ZNF91: variants seen among roughly 807,000 people sequenced by gnomAD.
The protein encoded by ZNF91 is zinc finger protein 91.
Under a neutral mutation model 12.6 loss-of-function variants are expected in ZNF91, and 7 were observed. That is an observed-to-expected ratio of 0.55 (90% CI 0.31 to 1.04). The LOEUF (loss-of-function observed/expected upper bound fraction) is 1.04. Ranked by LOEUF, ZNF91 falls within the 50% of genes least tolerant of loss-of-function variation. The probability of loss-of-function intolerance (pLI) is 0.05; values close to 1 mark genes in which losing one functional copy is unlikely to be tolerated. For synonymous variants in ZNF91, 453 were observed against 462.6 expected, an observed-to-expected ratio of 0.98 and a Z score of 0.27; for missense variants, 1,217 against 1,385.4, an observed-to-expected ratio of 0.88 and a Z score of 1.93.
downstream of ZNF91, among the ~76,000 whole-genome samples, chr19:23,334,690 CT>C (rs1967975509): frequency 6.6e-6 from 1 of 152,108 alleles, no homozygotes; most frequent in Admixed American, 6.5e-5. Flanking sequence ...GGACGGACTT[CT>C]TTTCTCTCAA....
rs1192448272 is a variant in ZNF91 at position 23,362,486 on chromosome 19, T to A, written c.493A>T (p.Lys165Ter). 1.2e-6 allele frequency: 2 copies of A among 1,603,466 alleles called. No homozygotes were observed. The highest frequency in any genetic ancestry group is 1.7e-6 in the Non-Finnish European group (2 of 1,176,550). The change falls in exon 4 of 4, where the codon AAA (lysine) becomes TAA (stop). Residue 165 changes from lysine to a stop codon, truncating the protein, a stop_gained. Transcript: ENST00000300619. LOFTEE classifies it low-confidence loss of function (END_TRUNC). ...GTATGTCTGTTTGAATTTAAAAATTTATAGAAGACTTTCAAATATTTCCCA... is the reference window on the plus strand; with the variant it reads ...GTATGTCTGTTTGAATTTAAAAATTAATAGAAGACTTTCAAATATTTCCCA... ...QCGKYLKVFYKFLNSNRHTIR... is the reference protein window; with the variant it reads ...QCGKYLKVFY
chr19:23,333,757 C>G (rs942701830), downstream of ZNF91, among the ~76,000 whole-genome samples: 1 of 152,194 alleles, frequency 6.6e-6, no homozygotes, highest in Non-Finnish European at 1.5e-5. Flanking sequence ...CTTGTCTTCT[C>G]TATTTACTGC....
chr19:23,385,361 A>G (rs1969839767), intron 1 of ZNF91: 1 of 359,344 alleles, frequency 2.8e-6, no homozygotes, highest in African/African-American at 2.1e-5. Context: ...GCAGTTGAAC[A>G]GAAGGGCTTC....
intron 3 of ZNF91, among the ~76,000 whole-genome samples, chr19:23,343,660 C>A (rs1198769824): frequency 6.6e-6 from 1 of 152,060 alleles, no homozygotes; most frequent in Non-Finnish European, 1.5e-5. Context: ...AAGGAGTACA[C>A]AGACAGGTAG....
intron 1 of ZNF91, among the ~76,000 whole-genome samples, chr19:23,388,512 G>A (rs1969951451): frequency 6.6e-6 from 1 of 152,142 alleles, no homozygotes; most frequent in African/African-American, 2.4e-5. Context: ...ACATGGAACT[G>A]GTACAGAAAA....
intron 1 of ZNF91, among the ~76,000 whole-genome samples, chr19:23,377,135 A>G (rs1969532106): frequency 6.6e-6 from 1 of 152,012 alleles, no homozygotes; most frequent in Non-Finnish European, 1.5e-5. Context: ...AATTTCTGCT[A>G]CAGTAATACA....
At chr19:23,305,905 A>G (rs1490725988) in intron 3 of ZNF91, among the ~76,000 whole-genome samples, 5 of 152,224 alleles carry the variant, frequency 3.3e-5, no homozygotes, top group African/African-American at 1.2e-4. Context: ...TTGTCTATAC[A>G]AAAAACATTC....
chr19:23,351,671 T>G (rs1380883481), intron 3 of ZNF91, among the ~76,000 whole-genome samples: 2 of 152,198 alleles, frequency 1.3e-5, no homozygotes. Flanking sequence ...TAATTCTTTC[T>G]CAGGTGAGAT....
At chr19:23,347,480 A>G (rs1968259390) in intron 3 of ZNF91, among the ~76,000 whole-genome samples, 1 of 152,118 alleles carries the variant, frequency 6.6e-6, no homozygotes, top group Admixed American at 6.5e-5. Flanking sequence ...AACCTGTACA[A>G]GGCCAGTTTC....
At chr19:23,368,556 C>CTATATATA (rs1380653223) in intron 3 of ZNF91, among the ~76,000 whole-genome samples, 17 of 117,842 alleles carry the variant, frequency 1.4e-4, no homozygotes, top group African/African-American at 4.5e-4. Context: ...CTCTCTCTCT[C>CTATATATA]TCTCTCTATA....
chr19:23,340,327 A>G (rs1011174049), intron 3 of ZNF91, among the ~76,000 whole-genome samples: 4 of 152,308 alleles, frequency 2.6e-5, no homozygotes. Context: ...AAATAAACAA[A>G]TCAGATATAA....
Position 23,365,703 on chromosome 19 carries a change from A to G in ZNF91, c.254-2978T>C, listed in dbSNP as rs1230959804. ...AAAGGTCTCTGGTTTTCCTAGGCAG[A>G]GGACCCTGCGGCCTTCCGCAGTGTT... On this transcript the variant is annotated intron_variant, in intron 3 of 3. Coordinates refer to ENST00000300619, the MANE Select transcript of ZNF91 (RefSeq NM_003430.4). Among the ~76,000 whole-genome samples, 3 of 152,096 alleles carry G rather than the reference A, an allele frequency of 2.0e-5. No homozygotes were observed. In the East Asian group the frequency reaches 5.8e-4, roughly 29 times the overall value.
downstream of ZNF91, among the ~76,000 whole-genome samples, chr19:23,353,561 C>A (rs544180067): frequency 6.6e-6 from 1 of 151,922 alleles, no homozygotes; most frequent in Non-Finnish European, 1.5e-5. Context: ...GAAACAAGAA[C>A]AAACCAAACC....
downstream of ZNF91, among the ~76,000 whole-genome samples, chr19:23,354,165 T>C (rs8110310): frequency 0.19 from 28,655 of 152,070 alleles, 2,917 homozygotes; most frequent in Non-Finnish European, 0.21. Context: ...ACCAATATCC[T>C]TGATAAACAT....
chr19:23,332,983 G>A (rs1166777085), intron 1 of ZNF91, among the ~76,000 whole-genome samples: 1 of 152,200 alleles, frequency 6.6e-6, no homozygotes. Flanking sequence ...GTGTGAAAAA[G>A]AGGTGGTCTT....
intron 3 of ZNF91, among the ~76,000 whole-genome samples, chr19:23,367,055 G>C (rs1969045766): frequency 6.6e-6 from 1 of 152,336 alleles, no homozygotes; most frequent in African/African-American, 2.4e-5. Context: ...CACATAGAGA[G>C]ACCAAGGTGT....
At chr19:23,308,598 G>C (rs1334854898) in intron 2 of ZNF91, 3 of 152,154 alleles carry the variant, frequency 2.0e-5, no homozygotes, top group Non-Finnish European at 4.4e-5. Flanking sequence ...ATGTCTCTGG[G>C]CCTATCATCA....
At chr19:23,335,207 C>T (rs572355881), downstream of ZNF91, among the ~76,000 whole-genome samples, 7 of 152,212 alleles carry the variant, frequency 4.6e-5, no homozygotes, top group South Asian at 4.2e-4. Context: ...GAGGGGCACC[C>T]GGCTGTATGA....
At chr19:23,376,530 C>T (rs1246962754) in intron 1 of ZNF91, among the ~76,000 whole-genome samples, 1 of 152,026 alleles carries the variant, frequency 6.6e-6, no homozygotes, top group Non-Finnish European at 1.5e-5. Context: ...GCTGTGATTA[C>T]AGGCATGCAT....
Sources: allele counts gnomAD v4.1 joint callset (sites outside exome capture counted in the v4.1 genomes callset), GRCh38; gene constraint gnomAD v4.1.1; transcripts MANE v1.5; gene names NCBI Gene and HGNC (gene_info 2026-07-23, HGNC 2026-07-21).